The following TNIK variants were observed in gnomAD, a reference collection of about 807,000 sequenced individuals.
TNIK encodes TRAF2 and NCK-interacting protein kinase.
Under a neutral mutation model 191.3 loss-of-function variants are expected in TNIK, and 49 were observed. The ratio of observed to expected loss-of-function variants is 0.26; its 90% CI spans 0.20 to 0.32. The LOEUF (loss-of-function observed/expected upper bound fraction) is 0.32, where lower values mean the gene tolerates loss of function less well. Among genes scored for constraint, TNIK ranks in the 10% least tolerant of loss-of-function variants. TNIK has a pLI of 1.00. For synonymous variants in TNIK, 594 were observed against 600.9 expected, an observed-to-expected ratio of 0.99 and a Z score of 0.17; for missense variants, 1,155 against 1,702.3, an observed-to-expected ratio of 0.68 and a Z score of 5.66.
At position 171,427,298 on chromosome 3, in the gene TNIK, G is replaced by A. The variant is rs949506145; in HGVS notation, c.57+32709C>T. ...AGGTCATCAGAAAAAAGATTTCCTCGCACATTCTCCTTTCCATCTCAGCTC... is the reference window on the plus strand; with the variant it reads ...AGGTCATCAGAAAAAAGATTTCCTCACACATTCTCCTTTCCATCTCAGCTC... On this transcript the variant is annotated intron_variant, in intron 1 of 32. Transcript: ENST00000436636. Among the ~76,000 whole-genome samples, 7 of 152,006 alleles carry A rather than the reference G, an allele frequency of 4.6e-5. 1 individual carries two copies. The highest frequency in any genetic ancestry group is 4.2e-4 in the South Asian group (2 of 4,816).
intron 2 of TNIK, among the ~76,000 whole-genome samples, chr3:171,343,179 C>T (rs1331651054): frequency 1.3e-5 from 2 of 152,184 alleles, no homozygotes; most frequent in Non-Finnish European, 2.9e-5. Flanking sequence ...ACATAGGGAC[C>T]TGCCAAAGAA....
chr3:171,155,945 C>G (rs1220750597), intron 12 of TNIK, among the ~76,000 whole-genome samples: 1 of 152,152 alleles, frequency 6.6e-6, no homozygotes, highest in Non-Finnish European at 1.5e-5. Flanking sequence ...ATTAACCTCT[C>G]TAAGACTCAG....
At chr3:171,266,811 T>TA (rs1211290698) in intron 2 of TNIK, among the ~76,000 whole-genome samples, 1 of 152,000 alleles carries the variant, frequency 6.6e-6, no homozygotes, top group East Asian at 1.9e-4. Context: ...CTTCCAAGTT[T>TA]AAAAAATCAG....
At chr3:171,339,542 G>C (rs1191445430) in intron 2 of TNIK, among the ~76,000 whole-genome samples, 1 of 152,142 alleles carries the variant, frequency 6.6e-6, no homozygotes, top group Non-Finnish European at 1.5e-5. Flanking sequence ...TCTGTTTGTG[G>C]AAGTATCCCA....
At chr3:171,338,859 A>G (rs1339199535) in intron 2 of TNIK, among the ~76,000 whole-genome samples, 1 of 152,144 alleles carries the variant, frequency 6.6e-6, no homozygotes. Context: ...TGCAGAAGGT[A>G]CTATTATTAG....
At chr3:171,306,615 G>A (rs17408135) in intron 2 of TNIK, among the ~76,000 whole-genome samples, 2,480 of 152,230 alleles carry the variant, frequency 0.016, 21 homozygotes, top group Non-Finnish European at 0.026. Flanking sequence ...CCAATGGTGA[G>A]ACTCTTAAAC....
chr3:171,147,178 C>A (rs764328246), intron 12 of TNIK, among the ~76,000 whole-genome samples: 1 of 152,110 alleles, frequency 6.6e-6, no homozygotes, highest in African/African-American at 2.4e-5. Context: ...GTGGAAGACC[C>A]GAGTTGGCCT....
intron 2 of TNIK, among the ~76,000 whole-genome samples, chr3:171,264,067 T>TAC (rs760319253): frequency 0.038 from 4,224 of 110,694 alleles, 107 homozygotes; most frequent in South Asian, 0.084. Context: ...TATATATACA[T>TAC]ACACACACAC....
intron 2 of TNIK, among the ~76,000 whole-genome samples, chr3:171,251,531 G>A (rs917044569): frequency 6.6e-6 from 1 of 152,204 alleles, no homozygotes; most frequent in Non-Finnish European, 1.5e-5. Context: ...CACAGAGCAA[G>A]GGCCATTGCA....
intron 2 of TNIK, among the ~76,000 whole-genome samples, chr3:171,230,708 C>T (rs1421375189): frequency 2.6e-5 from 4 of 152,178 alleles, no homozygotes; most frequent in Non-Finnish European, 5.9e-5. Context: ...AATTACAGTA[C>T]TCTGTCCTCT....
At chr3:171,281,135 G>A (rs1281996322) in intron 2 of TNIK, among the ~76,000 whole-genome samples, 1 of 152,044 alleles carries the variant, frequency 6.6e-6, no homozygotes. Flanking sequence ...CTAGATCTAG[G>A]GTCCCCAGGT....
chr3:171,259,066 T>G (rs1006269131), intron 2 of TNIK, among the ~76,000 whole-genome samples: 41 of 152,078 alleles, frequency 2.7e-4, no homozygotes, highest in African/African-American at 9.4e-4. Context: ...ACAGCTTACA[T>G]CCCACAAAGT....
intron 22 of TNIK, among the ~76,000 whole-genome samples, chr3:171,100,008 CG>C (rs1385039508): frequency 6.6e-6 from 1 of 152,160 alleles, no homozygotes; most frequent in Non-Finnish European, 1.5e-5. Context: ...AATCCAAGTA[CG>C]AACTTATCAG....
intron 22 of TNIK, among the ~76,000 whole-genome samples, chr3:171,098,683 T>C (rs1283650940): frequency 6.6e-6 from 1 of 152,214 alleles, no homozygotes; most frequent in Non-Finnish European, 1.5e-5. Context: ...TTTTGTTTTC[T>C]GCTTTAAAAA....
chr3:171,238,117 A>G (rs965813541), intron 2 of TNIK, among the ~76,000 whole-genome samples: 10 of 152,190 alleles, frequency 6.6e-5, no homozygotes, highest in African/African-American at 2.4e-4. Context: ...TTTCTGAGCA[A>G]AGACCTGCAT....
intron 10 of TNIK, among the ~76,000 whole-genome samples, chr3:171,164,673 T>A (rs1248832934): frequency 6.6e-6 from 1 of 152,222 alleles, no homozygotes; most frequent in Non-Finnish European, 1.5e-5. Context: ...AATGTCCTTT[T>A]GAGAGAAGTT....
chr3:171,407,900 C>T (rs1478443936), intron 1 of TNIK, among the ~76,000 whole-genome samples: 2 of 152,172 alleles, frequency 1.3e-5, no homozygotes, highest in African/African-American at 2.4e-5. Flanking sequence ...GGCTGCTTCC[C>T]GTCTTCAATC....
At chr3:171,429,881 G>A (rs527236703) in intron 1 of TNIK, among the ~76,000 whole-genome samples, 3 of 152,190 alleles carry the variant, frequency 2.0e-5, no homozygotes, top group Non-Finnish European at 4.4e-5. Context: ...CGAACACCCT[G>A]CAATTTGCTG....
chr3:171,351,271 A>ATGTGTGTGTGTGTGTGTGTGTGTGTGTG (rs1335605618), intron 2 of TNIK, among the ~76,000 whole-genome samples: 130 of 150,344 alleles, frequency 8.6e-4, no homozygotes, highest in African/African-American at 3.1e-3. Flanking sequence ...ATATGTATAT[A>ATGTGTGTGTGTGTGTGTGTGTGTGTGTG]TGTGTGTGTG....
Sources: allele counts gnomAD v4.1 joint callset (sites outside exome capture counted in the v4.1 genomes callset), GRCh38; gene constraint gnomAD v4.1.1; transcripts MANE v1.5; gene names NCBI Gene and HGNC (gene_info 2026-07-23, HGNC 2026-07-21).